The following GRID2 variants were observed in gnomAD, a reference collection of about 807,000 sequenced individuals.
The protein encoded by GRID2 is glutamate ionotropic receptor delta type subunit 2, also known as glutamate receptor ionotropic, delta-2.
A neutral mutation model predicts 114.8 loss-of-function variants in GRID2; 33 were observed. The observed-to-expected ratio is 0.29, with a 90% confidence interval of 0.22 to 0.38. GRID2 has a LOEUF of 0.38. Ranked by LOEUF, GRID2 falls within the 10% of genes least tolerant of loss-of-function variation. The pLI is 1.00. For missense variants in GRID2, 1,184 were observed against 1,257.7 expected, an observed-to-expected ratio of 0.94 and a Z score of 0.89; for synonymous variants, 505 against 449.9, an observed-to-expected ratio of 1.12 and a Z score of -1.55.
chr4:92,661,519 T>C (rs1235197738), intron 2 of GRID2, among the ~76,000 whole-genome samples: 2 of 150,952 alleles, frequency 1.3e-5, no homozygotes, highest in African/African-American at 4.8e-5. Context: ...GCCTCATTTC[T>C]TAATGAACAT....
At chr4:93,726,775 G>T (rs1315451144) in intron 14 of GRID2, among the ~76,000 whole-genome samples, 7 of 152,006 alleles carry the variant, frequency 4.6e-5, no homozygotes, top group African/African-American at 1.5e-4. Context: ...CTCATGATTT[G>T]GCTCTCTGTT....
chr4:92,354,241 G>A (rs1476347150), intron 1 of GRID2, among the ~76,000 whole-genome samples: 1 of 151,966 alleles, frequency 6.6e-6, no homozygotes, highest in Non-Finnish European at 1.5e-5. Context: ...ATGCCATAGA[G>A]CTTCCCTACT....
chr4:93,197,638 A>G (rs1245833709), intron 4 of GRID2, among the ~76,000 whole-genome samples: 1 of 152,126 alleles, frequency 6.6e-6, no homozygotes, highest in African/African-American at 2.4e-5. Context: ...GTGATTTTTG[A>G]ACACATGTAA....
chr4:92,570,142 T>G (rs527246888), intron 1 of GRID2, among the ~76,000 whole-genome samples: 19 of 152,262 alleles, frequency 1.2e-4, no homozygotes, highest in Non-Finnish European at 2.4e-4. Context: ...ATATGTGGTG[T>G]AAGGAAGGGG....
intron 2 of GRID2, among the ~76,000 whole-genome samples, chr4:92,956,493 T>G (rs1419488583): frequency 6.6e-6 from 1 of 152,210 alleles, no homozygotes; most frequent in Non-Finnish European, 1.5e-5. Flanking sequence ...TGTCTTTTCA[T>G]GGCTTGATAG....
At chr4:92,581,531 G>A (rs1459505290) in intron 1 of GRID2, among the ~76,000 whole-genome samples, 1 of 151,974 alleles carries the variant, frequency 6.6e-6, no homozygotes, top group Non-Finnish European at 1.5e-5. Flanking sequence ...AACTATACAG[G>A]TTTTCCAAAC....
In GRID2 at chr4:93,055,648, A is replaced by G. The variant is rs150586187; in HGVS notation, c.245-29347A>G. ...AAAAATATAATACATTTGACTTAAA[A>G]CAACCTGAAAGCCTTGAATAATTCA... On this transcript the variant is annotated intron_variant, in intron 2 of 15. Transcript: ENST00000282020. Among the ~76,000 whole-genome samples, 392 of 152,072 alleles carry G rather than the reference A, an allele frequency of 2.6e-3. 5 individuals carry two copies. The highest frequency in any genetic ancestry group is 9.1e-3 in the African/African-American group (380 of 41,560).
intron 11 of GRID2, among the ~76,000 whole-genome samples, chr4:93,487,719 A>G (rs902731970): frequency 1.3e-5 from 2 of 151,916 alleles, no homozygotes; most frequent in Non-Finnish European, 2.9e-5. Context: ...ACCATTTCCA[A>G]ATATGAAGCT....
chr4:92,901,823 TTGTGTGTGTG>T (rs373258158), intron 2 of GRID2, among the ~76,000 whole-genome samples: 6 of 149,520 alleles, frequency 4.0e-5, no homozygotes, highest in Admixed American at 4.0e-4. Context: ...TATTATCTTT[TTGTGTGTGTG>T]TGTGTGTGTG....
chr4:92,742,533 G>C (rs12649296), intron 2 of GRID2, among the ~76,000 whole-genome samples: 55,094 of 151,874 alleles, frequency 0.36, 10,271 homozygotes, highest in Middle Eastern at 0.53. Context: ...TCTTGGGGCA[G>C]AGAAATGCTG....
At chr4:92,640,993 AGAAG>A (rs1201436695) in intron 2 of GRID2, among the ~76,000 whole-genome samples, 2 of 151,896 alleles carry the variant, frequency 1.3e-5, no homozygotes, top group East Asian at 2.0e-4. Flanking sequence ...TAGGAAGAAA[AGAAG>A]GAAGGAAGAA....
At chr4:92,903,661 A>T (rs1333543851) in intron 2 of GRID2, among the ~76,000 whole-genome samples, 1 of 151,946 alleles carries the variant, frequency 6.6e-6, no homozygotes, top group African/African-American at 2.4e-5. Flanking sequence ...TTTATTATAA[A>T]TGTTTCTCTC....
chr4:92,516,152 C>A (rs1724490899), intron 1 of GRID2, among the ~76,000 whole-genome samples: 1 of 151,864 alleles, frequency 6.6e-6, no homozygotes, highest in Non-Finnish European at 1.5e-5. Flanking sequence ...ACGTATGCTG[C>A]AGAGAATCAA....
At chr4:92,528,820 T>TAAAAAAAAAA (rs755194146) in intron 1 of GRID2, among the ~76,000 whole-genome samples, 1 of 94,136 alleles carries the variant, frequency 1.1e-5, no homozygotes, top group Non-Finnish European at 2.2e-5. Flanking sequence ...GAACATCCTG[T>TAAAAAAAAAA]AAAAAAAAAA....
At chr4:92,533,439 A>C (rs910954336) in intron 1 of GRID2, among the ~76,000 whole-genome samples, 1 of 142,102 alleles carries the variant, frequency 7.0e-6, no homozygotes, top group African/African-American at 2.7e-5. Flanking sequence ...TGCTCAAAGT[A>C]CTAGGACACA....
intron 2 of GRID2, among the ~76,000 whole-genome samples, chr4:92,717,092 G>A (rs907677182): frequency 1.3e-5 from 2 of 152,134 alleles, no homozygotes; most frequent in Non-Finnish European, 2.9e-5. Context: ...CACTTAATAC[G>A]CAGTTGTTGA....
intron 1 of GRID2, among the ~76,000 whole-genome samples, chr4:93,800,851 G>A (rs971159389): frequency 6.6e-6 from 1 of 152,042 alleles, no homozygotes. Context: ...AACGTTAAAA[G>A]GAATTCTGGC....
chr4:93,499,858 ATCATC>A (rs902542015), intron 12 of GRID2, among the ~76,000 whole-genome samples: 1 of 151,950 alleles, frequency 6.6e-6, no homozygotes, highest in African/African-American at 2.4e-5. Context: ...ATATGTTATT[ATCATC>A]TCTATTTTAT....
At chr4:93,075,985 G>T (rs922898417) in intron 2 of GRID2, among the ~76,000 whole-genome samples, 5 of 137,832 alleles carry the variant, frequency 3.6e-5, no homozygotes, top group Non-Finnish European at 6.1e-5. Flanking sequence ...CTCACTGCAA[G>T]CTCCGCCTCC....
Sources: gnomAD v4.1 joint callset for allele counts (sites outside exome capture counted in the v4.1 genomes callset) on GRCh38, gnomAD v4.1.1 for gene constraint, MANE v1.5 for transcripts, NCBI Gene and HGNC (gene_info 2026-07-23, HGNC 2026-07-21) for gene names.